The following XPC variants were observed in gnomAD, a reference collection of about 807,000 sequenced individuals.
The protein encoded by XPC is XPC complex subunit, DNA damage recognition and repair factor, also known as DNA repair protein complementing XP-C cells.
XPC carries 76 observed loss-of-function variants against 95.8 expected under a neutral mutation model. The ratio of observed to expected loss-of-function variants is 0.79; its 90% confidence interval spans 0.66 to 0.96. The LOEUF (loss-of-function observed/expected upper bound fraction) is 0.96, where lower values mean the gene tolerates loss of function less well. Among genes scored for constraint, XPC ranks in the 40% least tolerant of loss-of-function variants. The probability of loss-of-function intolerance (pLI) is 0.00; values close to 1 mark genes in which losing one functional copy is unlikely to be tolerated. For synonymous variants in XPC, 442 were observed against 442.1 expected, an observed-to-expected ratio of 1.00 and a Z score of 0.00; for missense variants, 1,146 against 1,179.8, an observed-to-expected ratio of 0.97 and a Z score of 0.42.
chr3:14,153,835 C>T (rs1207121986), intron 10 of XPC, among the ~76,000 whole-genome samples: 3 of 152,204 alleles, frequency 2.0e-5, no homozygotes, highest in Non-Finnish European at 4.4e-5. Flanking sequence ...GAGGACCAGA[C>T]GTTTCCTGTG....
Position 14,145,724 on chromosome 3 carries a change from C to A in XPC, c.*217G>T. 1 of 710,586 alleles carries A rather than the reference C, an allele frequency of 1.4e-6. No individual in the cohort carries two copies. Among genetic ancestry groups the A allele is most frequent in the South Asian group, 1.5e-5 (1 of 66,914 alleles). 44.0% of individuals were successfully genotyped at this position (710,586 alleles called of 1,614,324 possible). ...TAGCAAAAAGCTTTGAAGGCTTCAC[C>A]CTGGGTGAATCTGACAAGGGCTGGA... On this transcript the variant is annotated 3_prime_UTR_variant, in exon 16 of 16. Coordinates refer to ENST00000285021, the MANE Select transcript of XPC (RefSeq NM_004628.5).
intron 7 of XPC, 50 bp from the exon 8 acceptor site, chr3:14,159,880 G>C: frequency 1.3e-6 from 2 of 1,501,726 alleles, no homozygotes; most frequent in Non-Finnish European, 1.8e-6. Flanking sequence ...AATTAAAGAT[G>C]TAATGAGTTC....
In XPC at chr3:14,156,411, G is replaced by A. The variant is rs775405040; in HGVS notation, c.1957C>T (p.Leu653Phe). Residue 653 changes from leucine (L) to phenylalanine (F), a missense_variant, in exon 10 of 16, where the codon CTC (leucine) becomes TTC (phenylalanine). Transcript: ENST00000285021. ...GGATAGATGGCCTCATATTTCAGGA[G>A]ATGCCGCTTCAGGGCATACAGAGGG... The part of the protein sequence containing the change: ...NHPLYALKRH[L>F]LKYEAIYPET... 2 of 1,614,048 alleles carry A rather than the reference G, an allele frequency of 1.2e-6. No homozygotes were observed. Among genetic ancestry groups the A allele is most frequent in the Non-Finnish European group, 1.7e-6 (2 of 1,179,894 alleles).
chr3:14,174,529 T>C (rs930555626), intron 1 of XPC, among the ~76,000 whole-genome samples: 5 of 152,128 alleles, frequency 3.3e-5, no homozygotes, highest in East Asian at 1.9e-4. Context: ...AAGAGAAAGG[T>C]AGAGGAGTTA....
rs3731074 is a variant in XPC, at chr3:14,171,531, T to A, written c.300-981A>T. Among the ~76,000 whole-genome samples the A allele has an allele frequency of 7.7e-3, 1,178 of 152,162 alleles. 13 individuals are homozygous for A. The highest frequency in any genetic ancestry group is 0.027 in the African/African-American group (1,114 of 41,506). ...GGGGAGGCAACTGGAAAGCAGTAAGTTCAGAGGTATTCTTCAGAAAAGTCT... is the reference window on the plus strand; with the variant it reads ...GGGGAGGCAACTGGAAAGCAGTAAGATCAGAGGTATTCTTCAGAAAAGTCT... On this transcript the variant is annotated intron_variant, in intron 2 of 15. Transcript: ENST00000285021.
At chr3:14,146,265 ACT>A (rs1363646484) in intron 15 of XPC, 106 bp from the exon 16 acceptor site, 1 of 1,057,104 alleles carries the variant, frequency 9.5e-7, no homozygotes, top group Non-Finnish European at 1.4e-6. Context: ...AAGCTGTGTA[ACT>A]CTGGGAGGAC....
intron 7 of XPC, among the ~76,000 whole-genome samples, chr3:14,160,418 A>G (rs985190440): frequency 6.6e-6 from 1 of 152,236 alleles, no homozygotes; most frequent in African/African-American, 2.4e-5. Context: ...ACTTAACTCC[A>G]ATGGCAACAG....
intron 1 of XPC, among the ~76,000 whole-genome samples, chr3:14,177,312 T>C (rs1696864262): frequency 6.6e-6 from 1 of 152,156 alleles, no homozygotes; most frequent in Admixed American, 6.5e-5. Flanking sequence ...ATAGGTTACA[T>C]GGAAACACTA....
Position 14,147,947 on chromosome 3 carries a change from C to T in XPC, c.2475G>A (p.Trp825Ter), listed in dbSNP as rs1695511096. 3 of 1,604,054 alleles carry T rather than the reference C, an allele frequency of 1.9e-6. No homozygotes were observed. The highest frequency in any genetic ancestry group is 1.7e-6 in the Non-Finnish European group (2 of 1,174,974). Reference sequence around the variant, plus strand: ...TTTCAATGACTGCCTGCTCATTTTCCCAGGCAGTCAGGAGCACGTCTTTGA... The same window carrying T: ...TTTCAATGACTGCCTGCTCATTTTCTCAGGCAGTCAGGAGCACGTCTTTGA... ...EEFKDVLLTA[W>*]ENEQAVIERK... Residue 825 changes from tryptophan (W) to a stop codon, truncating the protein, a stop_gained, in exon 14 of 16, where the codon TGG becomes TGA. Coordinates refer to ENST00000285021, the MANE Select transcript of XPC (RefSeq NM_004628.5). LOFTEE classifies it high-confidence loss of function.
In XPC at chr3:14,148,855, G is replaced by GC; in HGVS notation, c.2208dup (p.Gln737AlafsTer62). 6.2e-7 allele frequency: 1 copy of GC among 1,614,026 alleles called. No homozygotes were observed. The highest frequency in any genetic ancestry group is 8.5e-7 in the Non-Finnish European group (1 of 1,179,900). ...ACTGGGGGCTGATACTCCTCTGTCT[G>GC]CCAGTAGCCAAACAGGCCCAGGTCA... On this transcript the variant is annotated frameshift_variant, in exon 12 of 16. Coordinates refer to ENST00000285021, the MANE Select transcript of XPC (RefSeq NM_004628.5). LOFTEE classifies it high-confidence loss of function.
At chr3:14,166,479 T>G (rs1275908458) in intron 5 of XPC, among the ~76,000 whole-genome samples, 1 of 151,910 alleles carries the variant, frequency 6.6e-6, no homozygotes, top group African/African-American at 2.4e-5. Context: ...CAGCCCACCA[T>G]CCATCAAAGG....
chr3:14,160,891 T>G (rs1003787743), intron 7 of XPC, among the ~76,000 whole-genome samples: 1 of 152,188 alleles, frequency 6.6e-6, no homozygotes, highest in Non-Finnish European at 1.5e-5. Flanking sequence ...GCATCTAGAA[T>G]AATCCCTGCC....
chr3:14,174,878 A>T (rs555640284), intron 1 of XPC, among the ~76,000 whole-genome samples: 18 of 152,012 alleles, frequency 1.2e-4, no homozygotes, highest in Non-Finnish European at 2.4e-4. Context: ...GTCCCTAAGC[A>T]TCTAGAGACT....
intron 7 of XPC, among the ~76,000 whole-genome samples, chr3:14,163,519 T>C (rs1000543405): frequency 3.9e-5 from 6 of 152,266 alleles, no homozygotes; most frequent in African/African-American, 1.4e-4. Context: ...AGTGTATAAT[T>C]TCTTTTATAC....
chr3:14,152,146 CTTAT>C, intron 11 of XPC, 185 bp downstream of exon 11: 1 of 546,298 alleles, frequency 1.8e-6, no homozygotes. Flanking sequence ...TTACAAATGT[CTTAT>C]TAATAAGACA....
chr3:14,155,052 T>C (rs1017214415), intron 10 of XPC, among the ~76,000 whole-genome samples: 1 of 152,170 alleles, frequency 6.6e-6, no homozygotes, highest in Non-Finnish European at 1.5e-5. Context: ...CCAGGCCCCC[T>C]GCTGCCTTTG....
In XPC at chr3:14,168,314, A is replaced by C; in HGVS notation, c.479T>G (p.Val160Gly). The change falls in exon 4 of 16, where the codon GTG becomes GGG. Residue 160 changes from valine (V) to glycine (G), a missense_variant. Val to Gly is a moderately radical substitution (Grantham distance 109). Coordinates refer to ENST00000285021, the MANE Select transcript of XPC (RefSeq NM_004628.5). ...STAFSRSLLP[V>G]KPVEIEIETP... ...TTCAATCTCTATCTCCACTGGCTTC[A>C]CAGGCAGAAGAGATCGAGAGAAGGC... The C allele has an allele frequency of 6.2e-7, 1 of 1,613,960 alleles. No individual in the cohort carries two copies. The highest frequency in any genetic ancestry group is 1.3e-5 in the African/African-American group (1 of 75,030).
At chr3:14,177,041 G>A (rs981470784) in intron 1 of XPC, among the ~76,000 whole-genome samples, 4 of 152,094 alleles carry the variant, frequency 2.6e-5, no homozygotes, top group African/African-American at 9.7e-5. Flanking sequence ...CGGAGGTCAC[G>A]CCACTGCACT....
At chr3:14,160,833 A>T (rs1371557880) in intron 7 of XPC, among the ~76,000 whole-genome samples, 1 of 152,232 alleles carries the variant, frequency 6.6e-6, no homozygotes, top group Non-Finnish European at 1.5e-5. Context: ...AGTCTGGATA[A>T]CTAAGTGTTC....
Sources: gnomAD v4.1 joint callset for allele counts (sites outside exome capture counted in the v4.1 genomes callset) on GRCh38, gnomAD v4.1.1 for gene constraint, MANE v1.5 for transcripts, NCBI Gene and HGNC (gene_info 2026-07-23, HGNC 2026-07-21) for gene names.